Variants in TERF1 observed in about 807,000 individuals in gnomAD.
TERF1 encodes the protein telomeric repeat-binding factor 1.
A neutral mutation model predicts 55.1 loss-of-function variants in TERF1; 20 were observed. The ratio of observed to expected loss-of-function variants is 0.36; its 90% confidence interval spans 0.26 to 0.53. The LOEUF (loss-of-function observed/expected upper bound fraction) is 0.53. Among genes scored for constraint, TERF1 ranks in the 20% least tolerant of loss-of-function variants. TERF1 has a pLI of 0.91. For missense variants in TERF1, 439 were observed against 535.7 expected, an observed-to-expected ratio of 0.82 and a Z score of 1.78; for synonymous variants, 168 against 181.2, an observed-to-expected ratio of 0.93 and a Z score of 0.59.
chr8:73,037,422 T>TATATATA (rs59280244), intron 8 of TERF1, among the ~76,000 whole-genome samples: 8,380 of 130,036 alleles, frequency 0.064, 1,022 homozygotes, highest in African/African-American at 0.24. Flanking sequence ...TATAAATTTT[T>TATATATA]ATATATAATA....
intron 9 of TERF1, among the ~76,000 whole-genome samples, chr8:73,042,283 T>C (rs1161464183): frequency 6.6e-6 from 1 of 152,190 alleles, no homozygotes; most frequent in Non-Finnish European, 1.5e-5. Flanking sequence ...AAACGAAATA[T>C]AGGATATCGA....
Position 73,046,035 on chromosome 8 carries a change from A to C in TERF1, c.1218A>C (p.Ile406=). Residue 406 remains isoleucine, a synonymous_variant, in exon 10 of 10, where the codon ATA becomes ATC. Transcript: ENST00000276603. ...RKYGEGNWSK[I]LLHYKFNNRT... is the part of the protein sequence containing the mutation. ...ATGGAGAGGGAAACTGGTCTAAAAT[A>C]CTGTTGCATTATAAATTCAACAACC... is the stretch of plus-strand genomic sequence containing the variant. 5 of 1,611,266 alleles carry C rather than the reference A, an allele frequency of 3.1e-6. No homozygotes were observed. Among genetic ancestry groups the C allele is most frequent in the Non-Finnish European group, 4.2e-6 (5 of 1,178,882 alleles).
At chr8:73,009,471 T>A (rs563078591) in intron 1 of TERF1, 2 of 495,720 alleles carry the variant, frequency 4.0e-6, no homozygotes, top group Non-Finnish European at 7.2e-6. Flanking sequence ...TGAGTTAAAA[T>A]GTATACAGTT....
At chr8:73,015,360 A>G (rs929987949) in intron 2 of TERF1, among the ~76,000 whole-genome samples, 1 of 148,050 alleles carries the variant, frequency 6.8e-6, no homozygotes, top group East Asian at 2.0e-4. Flanking sequence ...ACTGCCTAAT[A>G]GAGATATGTG....
At chr8:73,026,584 G>A (rs1416586680) in intron 5 of TERF1, among the ~76,000 whole-genome samples, 1 of 151,832 alleles carries the variant, frequency 6.6e-6, no homozygotes, top group South Asian at 2.1e-4. Context: ...TGTTATAGTG[G>A]AGCATCTTGA....
At chr8:73,016,719 C>G (rs1233818013) in intron 2 of TERF1, among the ~76,000 whole-genome samples, 1 of 152,172 alleles carries the variant, frequency 6.6e-6, no homozygotes, top group East Asian at 1.9e-4. Context: ...TGCCTTTCCA[C>G]TGCAGCCTAT....
At chr8:73,017,171 T>C (rs1019139653) in intron 2 of TERF1, among the ~76,000 whole-genome samples, 1 of 152,172 alleles carries the variant, frequency 6.6e-6, no homozygotes, top group Non-Finnish European at 1.5e-5. Flanking sequence ...GGAAGGCAGA[T>C]AAGTGAGAAG....
At chr8:73,011,079 G>C (rs188009432) in intron 1 of TERF1, 1 of 152,212 alleles carries the variant, frequency 6.6e-6, no homozygotes, top group Non-Finnish European at 1.5e-5. Context: ...AGGGCCTTAA[G>C]ATTTTCAGAA....
intron 1 of TERF1, 143 bp downstream of exon 1, chr8:73,009,348 A>C (rs1327153957): frequency 8.0e-6 from 6 of 752,220 alleles, no homozygotes; most frequent in Non-Finnish European, 1.2e-5. Flanking sequence ...TCCGGGCTGA[A>C]CTTTGTTCGA....
chr8:73,009,789 C>G (rs1333812963), intron 1 of TERF1: 1 of 152,764 alleles, frequency 6.5e-6, no homozygotes, highest in African/African-American at 2.4e-5. Flanking sequence ...CCACTACAGT[C>G]CTGCCTGGGT....
rs1808916346 is a variant in TERF1, at chr8:73,024,954, T to C, written c.757T>C (p.Ser253Pro). ...YVNYVLSEKS[S>P]TFLMKAAAKV... The stretch of plus-strand genomic sequence containing the variant: ...GAATTATGTGCTAAGTGAAAAATCA[T>C]CAACCTTTCTAATGAAGGTATACAT... Residue 253 changes from serine (S) to proline (P), a missense_variant, in exon 5 of 10, where the codon TCA (serine) becomes CCA (proline). Physicochemically the swap from Ser to Pro is moderately conservative, Grantham distance 74 (BLOSUM62 -1). Coordinates refer to ENST00000276603, the MANE Select transcript of TERF1 (RefSeq NM_017489.3). 1 of 1,568,032 alleles carries C rather than the reference T, an allele frequency of 6.4e-7. No homozygotes were observed. The highest frequency in any genetic ancestry group is 8.6e-7 in the Non-Finnish European group (1 of 1,159,170).
chr8:73,012,700 G>C (rs933534365), intron 1 of TERF1, among the ~76,000 whole-genome samples: 1 of 151,188 alleles, frequency 6.6e-6, no homozygotes, highest in African/African-American at 2.4e-5. Context: ...CGTTAGACTT[G>C]GCTCAAGCTG....
intron 9 of TERF1, among the ~76,000 whole-genome samples, chr8:73,041,185 T>C (rs1809817699): frequency 6.6e-6 from 1 of 152,224 alleles, no homozygotes; most frequent in African/African-American, 2.4e-5. Context: ...AGACATGATA[T>C]ATCAGGTAAA....
intron 8 of TERF1, among the ~76,000 whole-genome samples, 193 bp downstream of exon 8, chr8:73,032,326 C>T (rs541046377): frequency 6.6e-6 from 1 of 152,156 alleles, no homozygotes; most frequent in Non-Finnish European, 1.5e-5. Context: ...GCTTAGGGTT[C>T]TTTTGCTATG....
chr8:73,022,081 A>G (rs1586039102), intron 3 of TERF1, 135 bp from the exon 4 acceptor site: 1 of 536,420 alleles, frequency 1.9e-6, no homozygotes, highest in Non-Finnish European at 3.3e-6. Context: ...TATATCTTTT[A>G]TCAAATTAAA....
intron 6 of TERF1, among the ~76,000 whole-genome samples, chr8:73,029,129 C>G (rs55971103): frequency 1.3e-5 from 2 of 152,066 alleles, no homozygotes; most frequent in Non-Finnish European, 2.9e-5. Flanking sequence ...TCAAGTAAAG[C>G]AAGTATAGAA....
intron 2 of TERF1, among the ~76,000 whole-genome samples, chr8:73,016,552 C>A (rs1320776543): frequency 6.6e-6 from 1 of 151,872 alleles, no homozygotes; most frequent in Non-Finnish European, 1.5e-5. Flanking sequence ...CCTGCCTCAG[C>A]CTCCTGAGTA....
At chr8:73,020,561 A>G (rs1379724674) in intron 2 of TERF1, 123 bp from the exon 3 acceptor site, 1 of 671,468 alleles carries the variant, frequency 1.5e-6, no homozygotes, top group African/African-American at 1.9e-5. Context: ...AAACTGGTAT[A>G]AACAAGAAGA....
In TERF1 at chr8:73,047,241, TG is replaced by T. The variant is rs1220844821; in HGVS notation, c.*1105del. The T allele has an allele frequency of 6.6e-6, 1 of 152,148 alleles. No individual in the cohort carries two copies. Among genetic ancestry groups the T allele is most frequent in the African/African-American group, 2.4e-5 (1 of 41,426 alleles). 9.4% of individuals were successfully genotyped at this position (152,148 alleles called of 1,614,324 possible). A position where few individuals can be genotyped will look rare whatever the true frequency, so the allele number is the denominator to read the frequency against. On this transcript the variant is annotated 3_prime_UTR_variant, in exon 10 of 10. Coordinates refer to ENST00000276603, the MANE Select transcript of TERF1 (RefSeq NM_017489.3). The stretch of plus-strand genomic sequence containing the variant: ...ATAGTATTACCCATGGGACAAAATT[TG>T]TACTATTAGCAAGAATCATTTTGTG...
Sources: allele counts gnomAD v4.1 joint callset (sites outside exome capture counted in the v4.1 genomes callset), GRCh38; gene constraint gnomAD v4.1.1; transcripts MANE v1.5; gene names NCBI Gene and HGNC (gene_info 2026-07-23, HGNC 2026-07-21).